SLIT3: variants seen among roughly 807,000 people sequenced by gnomAD.
The protein encoded by SLIT3 is slit guidance ligand 3, also known as slit homolog 3 protein.
In SLIT3, 68 loss-of-function variants were observed where a neutral mutation model predicts 184.0. That is an observed-to-expected ratio of 0.37 (90% confidence interval 0.30 to 0.45). The LOEUF (loss-of-function observed/expected upper bound fraction) is 0.45. Among genes scored for constraint, SLIT3 ranks in the 20% least tolerant of loss-of-function variants. SLIT3 has a pLI of 1.00. For synonymous variants in SLIT3, 831 were observed against 828.6 expected (o/e 1.00, Z -0.05); for missense variants, 1,707 against 2,026.0 (o/e 0.84, Z 3.02).
At chr5:169,257,452 C>A (rs1197687145) in intron 1 of SLIT3, among the ~76,000 whole-genome samples, 2 of 143,590 alleles carry the variant, frequency 1.4e-5, no homozygotes, top group African/African-American at 2.6e-5. Context: ...ACTCCTAAAC[C>A]ACTGAAATGT....
chr5:169,109,408 C>T (rs980371416), intron 4 of SLIT3, among the ~76,000 whole-genome samples: 1 of 152,188 alleles, frequency 6.6e-6, no homozygotes, highest in Non-Finnish European at 1.5e-5. Flanking sequence ...GATTCTTCCC[C>T]AGTCAAGCCT....
intron 4 of SLIT3, among the ~76,000 whole-genome samples, chr5:169,102,269 C>T (rs1760048448): frequency 6.6e-6 from 1 of 152,148 alleles, no homozygotes; most frequent in African/African-American, 2.4e-5. Context: ...CAATTTGAGG[C>T]CACTGCAGCC....
chr5:168,748,206 C>T (rs548945649), intron 20 of SLIT3, 96 bp downstream of exon 20: 22 of 1,357,318 alleles, frequency 1.6e-5, no homozygotes, highest in Admixed American at 3.0e-5. Context: ...CCGGCAGTTT[C>T]GCCATGTTGC....
chr5:169,110,600 T>A (rs1394966989), intron 4 of SLIT3, among the ~76,000 whole-genome samples: 4 of 152,186 alleles, frequency 2.6e-5, no homozygotes, highest in African/African-American at 7.2e-5. Flanking sequence ...TTAGGGCCCA[T>A]CCGAAAGACC....
At chr5:169,080,934 A>G (rs61231973) in intron 4 of SLIT3, among the ~76,000 whole-genome samples, 7,795 of 152,260 alleles carry the variant, frequency 0.051, 588 homozygotes, top group East Asian at 0.23. Flanking sequence ...AAAAAAATGT[A>G]AAAAACCAGG....
At chr5:169,010,693 G>T (rs1007002107) in intron 4 of SLIT3, among the ~76,000 whole-genome samples, 1 of 152,106 alleles carries the variant, frequency 6.6e-6, no homozygotes, top group African/African-American at 2.4e-5. Flanking sequence ...CCTGAGCTCA[G>T]GAGTTCGAGA....
At chr5:168,971,602 A>ATATC (rs1754578151) in intron 4 of SLIT3, among the ~76,000 whole-genome samples, 1 of 152,208 alleles carries the variant, frequency 6.6e-6, no homozygotes, top group Non-Finnish European at 1.5e-5. Flanking sequence ...GAGTCCCAGG[A>ATATC]TATCTGTCTT....
At chr5:168,936,862 G>A (rs940885513) in intron 4 of SLIT3, among the ~76,000 whole-genome samples, 6 of 152,194 alleles carry the variant, frequency 3.9e-5, no homozygotes, top group Admixed American at 2.6e-4. Flanking sequence ...AGGAACTGGG[G>A]CTACTGTGGT....
At chr5:168,884,103 G>A (rs1374949064) in intron 4 of SLIT3, among the ~76,000 whole-genome samples, 1 of 141,228 alleles carries the variant, frequency 7.1e-6, no homozygotes, top group Non-Finnish European at 1.6e-5. Flanking sequence ...GATATGGGCT[G>A]TTTTTTTTTT....
chr5:168,696,512 G>A (rs963159172), intron 27 of SLIT3, 81 bp from the exon 28 acceptor site: 15 of 1,522,432 alleles, frequency 9.9e-6, no homozygotes, highest in African/African-American at 5.5e-5. Flanking sequence ...AGGAAGACAC[G>A]GGTGGGAAAT....
chr5:168,911,815 T>C (rs1409160554), intron 4 of SLIT3, among the ~76,000 whole-genome samples: 1 of 152,226 alleles, frequency 6.6e-6, no homozygotes, highest in Non-Finnish European at 1.5e-5. Context: ...TCAATTATCT[T>C]AGAGAGTCTT....
chr5:169,234,919 A>G (rs557878065), intron 3 of SLIT3, among the ~76,000 whole-genome samples: 1 of 152,230 alleles, frequency 6.6e-6, no homozygotes, highest in Admixed American at 6.5e-5. Flanking sequence ...AAGAAATCCA[A>G]TTTTCTTTCA....
chr5:168,920,266 T>G (rs907657477), intron 4 of SLIT3, among the ~76,000 whole-genome samples: 18 of 152,156 alleles, frequency 1.2e-4, no homozygotes, highest in African/African-American at 4.1e-4. Context: ...CACCTGGTTT[T>G]TATTTTGGGA....
chr5:169,045,789 C>T (rs575323360), intron 4 of SLIT3, among the ~76,000 whole-genome samples: 2 of 152,332 alleles, frequency 1.3e-5, no homozygotes, highest in Admixed American at 6.5e-5. Flanking sequence ...GTGGCCTACA[C>T]TTCATGTTCC....
chr5:168,975,218 C>G (rs7713144), intron 4 of SLIT3, among the ~76,000 whole-genome samples: 38,893 of 151,938 alleles, frequency 0.26, 5,598 homozygotes, highest in African/African-American at 0.39. Context: ...GTAAAGTGGA[C>G]GCAAGACTCA....
intron 4 of SLIT3, among the ~76,000 whole-genome samples, chr5:169,070,597 G>T (rs771962398): frequency 1.3e-5 from 2 of 152,094 alleles, no homozygotes; most frequent in Admixed American, 6.5e-5. Flanking sequence ...CCATCAGGAA[G>T]TATTTCAACC....
chr5:169,084,777 G>T (rs1273002445), intron 4 of SLIT3, among the ~76,000 whole-genome samples: 1 of 152,180 alleles, frequency 6.6e-6, no homozygotes, highest in African/African-American at 2.4e-5. Flanking sequence ...ATTGCATGCT[G>T]TTGGATAGGT....
intron 7 of SLIT3, among the ~76,000 whole-genome samples, chr5:168,823,038 G>A (rs186748373): frequency 3.3e-5 from 5 of 152,270 alleles, no homozygotes; most frequent in Non-Finnish European, 5.9e-5. Context: ...TCTGTCTGAC[G>A]CAGAACGGTG....
At chr5:169,087,270 G>A (rs925614406) in intron 4 of SLIT3, among the ~76,000 whole-genome samples, 5 of 152,222 alleles carry the variant, frequency 3.3e-5, no homozygotes, top group Non-Finnish European at 7.3e-5. Flanking sequence ...GGTGGTGAGA[G>A]GGGTAGAGGA....
Sources: allele counts gnomAD v4.1 joint callset (sites outside exome capture counted in the v4.1 genomes callset), GRCh38; gene constraint gnomAD v4.1.1; transcripts MANE v1.5; gene names NCBI Gene and HGNC (gene_info 2026-07-23, HGNC 2026-07-21).